The following PLCL1 variants were observed in gnomAD, a reference collection of about 807,000 sequenced individuals.
PLCL1 encodes inactive phospholipase C-like protein 1.
A neutral mutation model predicts 84.4 loss-of-function variants in PLCL1; 41 were observed. That is an observed-to-expected ratio of 0.49 (90% CI 0.38 to 0.63). The LOEUF (loss-of-function observed/expected upper bound fraction) is 0.63, where lower values mean the gene tolerates loss of function less well. PLCL1 is among the 30% of genes least tolerant of loss of function. PLCL1 has a pLI of 0.00. For missense variants in PLCL1, 1,206 were observed against 1,367.8 expected, an observed-to-expected ratio of 0.88 and a Z score of 1.87; for synonymous variants, 490 against 488.3, an observed-to-expected ratio of 1.00 and a Z score of -0.05.
rs114592255 is a variant in PLCL1, at chr2:197,891,528, A to T, written c.240+86189A>T. On this transcript the variant is annotated intron_variant, in intron 1 of 5. Coordinates refer to ENST00000428675, the MANE Select transcript of PLCL1 (RefSeq NM_006226.4). Reference sequence around the variant, plus strand: ...CTAAGGTGGAATTGGAAAGGGGATTATTGCCAGATACTGGAGGAGCTTGAC... The same window carrying T: ...CTAAGGTGGAATTGGAAAGGGGATTTTTGCCAGATACTGGAGGAGCTTGAC... Among the ~76,000 whole-genome samples the T allele has an allele frequency of 4.2e-3, 628 of 150,410 alleles. 3 individuals carry two copies. Among genetic ancestry groups the T allele is most frequent in the African/African-American group, 0.015 (604 of 40,908 alleles).
At chr2:197,872,474 C>A (rs891072658) in intron 1 of PLCL1, among the ~76,000 whole-genome samples, 8 of 152,062 alleles carry the variant, frequency 5.3e-5, no homozygotes, top group African/African-American at 1.9e-4. Flanking sequence ...GATTGGCATC[C>A]CTTCCTTGGA....
chr2:198,097,021 A>G (rs1693215269), intron 3 of PLCL1, among the ~76,000 whole-genome samples: 1 of 152,196 alleles, frequency 6.6e-6, no homozygotes, highest in Non-Finnish European at 1.5e-5. Flanking sequence ...TTAAAATTGG[A>G]TTCAGTCAAA....
chr2:198,050,213 C>T (rs1017076209), intron 1 of PLCL1, among the ~76,000 whole-genome samples: 2 of 152,028 alleles, frequency 1.3e-5, no homozygotes, highest in Non-Finnish European at 2.9e-5. Flanking sequence ...ATCTGTCTGC[C>T]GAGGCCTGTT....
intron 1 of PLCL1, among the ~76,000 whole-genome samples, chr2:198,080,309 C>A (rs1692679690): frequency 6.6e-6 from 1 of 152,186 alleles, no homozygotes; most frequent in African/African-American, 2.4e-5. Flanking sequence ...TCATCATCAT[C>A]ATAATTATGT....
intron 5 of PLCL1, 135 bp from the exon 6 acceptor site, chr2:198,146,645 C>G: frequency 1.5e-6 from 1 of 653,156 alleles, no homozygotes; most frequent in South Asian, 3.4e-5. Context: ...TGGGTTAAAC[C>G]CTGGAAAAGT....
At chr2:197,845,647 C>T (rs1687105344) in intron 1 of PLCL1, among the ~76,000 whole-genome samples, 1 of 152,016 alleles carries the variant, frequency 6.6e-6, no homozygotes, top group African/African-American at 2.4e-5. Context: ...ATATCTTTAC[C>T]ACTCCATCCT....
chr2:198,005,627 C>T (rs1009229723), intron 1 of PLCL1, among the ~76,000 whole-genome samples: 2 of 152,182 alleles, frequency 1.3e-5, no homozygotes, highest in African/African-American at 4.8e-5. Context: ...TCAGTGTTGA[C>T]GGGCAGACTG....
At chr2:198,012,092 AG>A (rs1338806159) in intron 1 of PLCL1, among the ~76,000 whole-genome samples, 1 of 152,114 alleles carries the variant, frequency 6.6e-6, no homozygotes, top group Non-Finnish European at 1.5e-5. Context: ...GCAACTTTAT[AG>A]GCACAGTTAG....
At chr2:197,947,678 A>T (rs1165633955) in intron 1 of PLCL1, among the ~76,000 whole-genome samples, 2 of 152,192 alleles carry the variant, frequency 1.3e-5, no homozygotes, top group Non-Finnish European at 2.9e-5. Context: ...AGATAAAAGC[A>T]GAGAGGAAGA....
At chr2:197,895,636 T>G (rs1688120548) in intron 1 of PLCL1, among the ~76,000 whole-genome samples, 1 of 152,006 alleles carries the variant, frequency 6.6e-6, no homozygotes, top group Non-Finnish European at 1.5e-5. Context: ...GGAAACAGTT[T>G]TTTTGCATAC....
chr2:198,019,521 C>T (rs1444351951), intron 1 of PLCL1, among the ~76,000 whole-genome samples: 1 of 152,084 alleles, frequency 6.6e-6, no homozygotes, highest in Admixed American at 6.5e-5. Context: ...ACTAGAATAA[C>T]TAGTTTAGAG....
chr2:197,950,240 CTTTG>C (rs906944337), intron 1 of PLCL1, among the ~76,000 whole-genome samples: 35 of 152,218 alleles, frequency 2.3e-4, no homozygotes, highest in South Asian at 4.1e-4. Flanking sequence ...GTAGAGTGTC[CTTTG>C]TTTGACTTTT....
intron 5 of PLCL1, among the ~76,000 whole-genome samples, chr2:198,141,036 T>G (rs1300454646): frequency 6.6e-6 from 1 of 152,184 alleles, no homozygotes; most frequent in Non-Finnish European, 1.5e-5. Context: ...ATAATAAAGA[T>G]TTGAAAAGCA....
intron 5 of PLCL1, among the ~76,000 whole-genome samples, chr2:198,111,821 T>C (rs1693630593): frequency 6.6e-6 from 1 of 151,872 alleles, no homozygotes; most frequent in Non-Finnish European, 1.5e-5. Context: ...ATAATAGTAA[T>C]GGTTTGTATT....
At chr2:198,117,984 G>GTTA (rs1293624725) in intron 5 of PLCL1, among the ~76,000 whole-genome samples, 1 of 151,754 alleles carries the variant, frequency 6.6e-6, no homozygotes, top group Admixed American at 6.6e-5. Flanking sequence ...TTGTATATGT[G>GTTA]TTATATCATA....
chr2:198,024,776 C>CA (rs1280564336), intron 1 of PLCL1, among the ~76,000 whole-genome samples: 1 of 135,156 alleles, frequency 7.4e-6, no homozygotes. Context: ...AAAAAAAAAA[C>CA]AATTACTACG....
intron 1 of PLCL1, among the ~76,000 whole-genome samples, chr2:197,983,738 G>A (rs1236952190): frequency 2.6e-5 from 4 of 152,178 alleles, no homozygotes; most frequent in African/African-American, 9.6e-5. Flanking sequence ...AATTACGATT[G>A]TTTTCTAAAG....
rs1389148441 is a variant in PLCL1 at position 198,148,753 on chromosome 2, G to A, written c.*1791G>A. On this transcript the variant is annotated 3_prime_UTR_variant, in exon 6 of 6. Coordinates refer to ENST00000428675, the MANE Select transcript of PLCL1 (RefSeq NM_006226.4). The stretch of plus-strand genomic sequence containing the variant: ...CAGCTGATTGGTTGATTTTACTAGT[G>A]TACCTCTTCATCTACTTGAATTCTA... The A allele has an allele frequency of 6.6e-6, 1 of 152,246 alleles. No homozygotes were observed. Among genetic ancestry groups the A allele is most frequent in the African/African-American group, 2.4e-5 (1 of 41,436 alleles). 9.4% of individuals were successfully genotyped at this position (152,246 alleles called of 1,614,324 possible). A position where few individuals can be genotyped will look rare whatever the true frequency, so the allele number is the denominator to read the frequency against.
chr2:198,092,423 A>G (rs12612977), intron 3 of PLCL1, among the ~76,000 whole-genome samples: 35,369 of 152,122 alleles, frequency 0.23, 4,403 homozygotes, highest in Middle Eastern at 0.3. Flanking sequence ...ATATGTAATG[A>G]TCAAATTAGA....
Sources: allele counts gnomAD v4.1 joint callset (sites outside exome capture counted in the v4.1 genomes callset), GRCh38; gene constraint gnomAD v4.1.1; transcripts MANE v1.5; gene names NCBI Gene and HGNC (gene_info 2026-07-23, HGNC 2026-07-21).